Variants in MAPK15 observed in about 807,000 individuals in gnomAD.
The protein encoded by MAPK15 is ERK-7.
In MAPK15, 61 loss-of-function variants were observed where a neutral mutation model predicts 60.8. The observed-to-expected ratio is 1.00, with a 90% CI of 0.82 to 1.24. The LOEUF (loss-of-function observed/expected upper bound fraction) is 1.24. Ranked by LOEUF, MAPK15 falls within the 50% of genes most tolerant of loss-of-function variation. The pLI is 0.00. For missense variants in MAPK15, 808 were observed against 741.1 expected, an observed-to-expected ratio of 1.09 and a Z score of -1.05; for synonymous variants, 356 against 319.9, an observed-to-expected ratio of 1.11 and a Z score of -1.21.
At chr8:143,717,987 C>G in intron 2 of MAPK15, 60 bp from the exon 3 acceptor site, 1 of 1,611,132 alleles carries the variant, frequency 6.2e-7, no homozygotes, top group Non-Finnish European at 8.5e-7. Flanking sequence ...TGGGTCCTCT[C>G]AGGACATGGG....
At chr8:143,718,949 G>GGCCCCACCCA (rs1817925976) in intron 5 of MAPK15, 44 bp downstream of exon 5, 1 of 1,597,348 alleles carries the variant, frequency 6.3e-7, no homozygotes, top group Non-Finnish European at 8.5e-7. Context: ...CCCGGCTCCC[G>GGCCCCACCCA]GCCCCACCCA....
intron 2 of MAPK15, 111 bp downstream of exon 2, chr8:143,717,903 C>T (rs1817874678): frequency 6.7e-7 from 1 of 1,493,182 alleles, no homozygotes; most frequent in African/African-American, 1.4e-5. Flanking sequence ...AGCAGATGTT[C>T]TGGCCTGTCT....
Position 143,722,131 on chromosome 8 carries a change from T to C in MAPK15, c.1515T>C (p.Ser505=). ...ARPGRRMFST[S]ALQGAQGGAR... is the part of the protein sequence containing the mutation. Reference sequence around the variant, plus strand: ...CCGGCCGGAGGATGTTCAGCACCTCTGCCTTGCAGGGTGCCCAGGGGGGTG... The same window carrying C: ...CCGGCCGGAGGATGTTCAGCACCTCCGCCTTGCAGGGTGCCCAGGGGGGTG... Residue 505 remains serine, a synonymous_variant, in exon 14 of 14, where the codon TCT becomes TCC. Transcript: ENST00000338033. 4 of 1,612,466 alleles carry C rather than the reference T, an allele frequency of 2.5e-6. No homozygotes were observed. The highest frequency in any genetic ancestry group is 3.4e-6 in the Non-Finnish European group (4 of 1,179,780).
chr8:143,722,015 G>T, intron 13 of MAPK15, 60 bp from the exon 14 acceptor site: 1 of 1,560,160 alleles, frequency 6.4e-7, no homozygotes. Flanking sequence ...GGACCTCAAG[G>T]CCTCCCCTCC....
rs1376525602 is a variant in MAPK15 at position 143,720,322 on chromosome 8, G to A, written c.779+35G>A. ...GGCACTTCGGTGAGGGTGACAGGGTGGCCTATCTCAAGGGAGCAGGGCCAC... is the reference window on the plus strand; with the variant it reads ...GGCACTTCGGTGAGGGTGACAGGGTAGCCTATCTCAAGGGAGCAGGGCCAC... On this transcript the variant is annotated intron_variant, in intron 8 of 13. Transcript: ENST00000338033. The surrounding 1 kb of genome is among the most constrained non-coding windows in gnomAD (Gnocchi z 4.6). 5.8e-6 allele frequency: 9 copies of A among 1,548,978 alleles called. No homozygotes were observed. In the East Asian group the frequency reaches 1.4e-4, roughly 24 times the overall value.
Position 143,720,850 on chromosome 8 carries a change from G to A in MAPK15, c.917+10G>A. On this transcript the variant is annotated intron_variant, in intron 9 of 13. Transcript: ENST00000338033. The surrounding 1 kb of genome is among the most constrained non-coding windows in gnomAD (Gnocchi z 4.6). ...ACCCCTACGTGCAGAGGTGGGGGTG[G>A]GAGAGAGTCCCCCAAGTGCGGGGGG... The A allele has an allele frequency of 6.2e-7, 1 of 1,610,088 alleles. No homozygotes were observed. The highest frequency in any genetic ancestry group is 1.1e-5 in the South Asian group (1 of 91,008).
chr8:143,719,190 C>T (rs1461188037), intron 6 of MAPK15, 34 bp downstream of exon 6: 3 of 1,505,078 alleles, frequency 2.0e-6, no homozygotes, highest in Non-Finnish European at 1.8e-6. Context: ...CCCCCTCCAC[C>T]TCCCTGCTGC....
chr8:143,721,541 C>T lies in MAPK15; in HGVS notation c.1205-8C>T, dbSNP rs1818066562. ...ACTGACCCCGGGGTTGACCCACTGA[C>T]CCCACAGAGTCCCCCCGTGCAGCCA... is the stretch of plus-strand genomic sequence containing the variant. On this transcript the variant is annotated splice_polypyrimidine_tract_variant and splice_region_variant and intron_variant, in intron 11 of 13. Transcript: ENST00000338033. 1 of 1,613,738 alleles carries T rather than the reference C, an allele frequency of 6.2e-7. No individual in the cohort carries two copies. Among genetic ancestry groups the T allele is most frequent in the South Asian group, 1.1e-5 (1 of 91,050 alleles).
In MAPK15 at chr8:143,716,459, T is replaced by A; in HGVS notation, c.66+16T>A. 1 of 1,589,056 alleles carries A rather than the reference T, an allele frequency of 6.3e-7. No homozygotes were observed. Among genetic ancestry groups the A allele is most frequent in the Non-Finnish European group, 8.5e-7 (1 of 1,170,236 alleles). ...CGGGCAGGGGGTGAGTGCCTGGGGGTGCGTCCGCGCGCCGAGGGGCGCGGC... is the reference window on the plus strand; with the variant it reads ...CGGGCAGGGGGTGAGTGCCTGGGGGAGCGTCCGCGCGCCGAGGGGCGCGGC... On this transcript the variant is annotated intron_variant, in intron 1 of 13. Coordinates refer to ENST00000338033, the MANE Select transcript of MAPK15 (RefSeq NM_139021.3).
Position 143,718,255 on chromosome 8 carries a change from T to C in MAPK15, c.239T>C (p.Ile80Thr), listed in dbSNP as rs1554618804. The stretch of plus-strand genomic sequence containing the variant: ...AACATCATCAGCCTCCTTGACGTGA[T>C]CCGGGCAGAGAACGACAGGGACATT... ...HPNIISLLDV[I>T]RAENDRDIYL... The change falls in exon 4 of 14, where the codon ATC becomes ACC. Residue 80 changes from isoleucine to threonine, a missense_variant. Physicochemically the swap from Ile to Thr is moderately conservative, Grantham distance 89. Coordinates refer to ENST00000338033, the MANE Select transcript of MAPK15 (RefSeq NM_139021.3). 1 of 1,614,132 alleles carries C rather than the reference T, an allele frequency of 6.2e-7. No homozygotes were observed. The highest frequency in any genetic ancestry group is 8.5e-7 in the Non-Finnish European group (1 of 1,180,014).
At chr8:143,719,633 C>A in intron 7 of MAPK15, 151 bp downstream of exon 7, 1 of 1,134,348 alleles carries the variant, frequency 8.8e-7, no homozygotes, top group Non-Finnish European at 1.2e-6. Flanking sequence ...CCCAGGAAGA[C>A]CGACTGGTGA....
intron 6 of MAPK15, 83 bp from the exon 7 acceptor site, chr8:143,719,260 G>T (rs551839622): frequency 6.5e-7 from 1 of 1,529,244 alleles, no homozygotes; most frequent in African/African-American, 1.4e-5. Context: ...TGGTCCACAA[G>T]TGTTCCCCCA....
At position 143,720,388 on chromosome 8, in the gene MAPK15, A is replaced by G. The variant is rs1818000016; in HGVS notation, c.779+101A>G. ...CTGGGGCCAGTTTGTACCAGTTCAG[A>G]TTCTGCCTGTTTTCAAGATGGCAGT... On this transcript the variant is annotated intron_variant, in intron 8 of 13. Transcript: ENST00000338033. The surrounding 1 kb of genome is among the most constrained non-coding windows in gnomAD (Gnocchi z 4.6). 6.9e-7 allele frequency: 1 copy of G among 1,452,664 alleles called. No individual in the cohort carries two copies. The highest frequency in any genetic ancestry group is 1.4e-5 in the African/African-American group (1 of 69,804). The allele number at this position is 1,452,664 out of a possible 1,614,324, so 90.0% of individuals were successfully genotyped here. A position where few individuals can be genotyped will look rare whatever the true frequency, so the allele number is the denominator to read the frequency against.
chr8:143,721,713 C>T (rs782588359), intron 12 of MAPK15, 39 bp from the exon 13 acceptor site: 1 of 1,613,192 alleles, frequency 6.2e-7, no homozygotes, highest in Non-Finnish European at 8.5e-7. Context: ...GACCCCTCCT[C>T]TGCACCTTTC....
intron 7 of MAPK15, 94 bp downstream of exon 7, chr8:143,719,576 G>A: frequency 2.0e-6 from 3 of 1,465,958 alleles, no homozygotes; most frequent in South Asian, 2.7e-5. Context: ...GGACTGTGCT[G>A]AGAGGAGGGA....
chr8:143,717,946 G>A, intron 2 of MAPK15, 101 bp from the exon 3 acceptor site: 1 of 1,556,954 alleles, frequency 6.4e-7, no homozygotes, highest in Non-Finnish European at 8.8e-7. Context: ...GCCTGGTCTG[G>A]TGGGTATTGG....
chr8:143,717,054 G>C (rs376795655), intron 1 of MAPK15, among the ~76,000 whole-genome samples: 5 of 152,286 alleles, frequency 3.3e-5, no homozygotes, highest in African/African-American at 1.2e-4. Context: ...AACTGGATAG[G>C]AGATGGAGAG....
At position 143,719,338 on chromosome 8, in the gene MAPK15, C is replaced by T. The variant is rs373025948; in HGVS notation, c.582-5C>T. On this transcript the variant is annotated splice_region_variant and splice_polypyrimidine_tract_variant and intron_variant, in intron 6 of 13. Transcript: ENST00000338033. The stretch of plus-strand genomic sequence containing the variant: ...TCTCCATGCCTACACCGCTTCCTGC[C>T]CCAGATACACCCTTGGGGTGGACAT... 2 of 1,596,798 alleles carry T rather than the reference C, an allele frequency of 1.3e-6. No homozygotes were observed.
In MAPK15 at chr8:143,719,415, C is replaced by T. The variant is rs782627103; in HGVS notation, c.654C>T (p.Phe218=). The T allele has an allele frequency of 1.9e-6, 3 of 1,611,028 alleles. No individual in the cohort carries two copies. The African/African-American group carries it at 4.0e-5, about 22-fold the overall frequency. Reference sequence around the variant, plus strand: ...AGATGCTGCGGGGGAGACCCCTGTTCCCCGGCACGTCCACCCTCCACCAGC... The same window carrying T: ...AGATGCTGCGGGGGAGACCCCTGTTTCCCGGCACGTCCACCCTCCACCAGC... ...LGEMLRGRPL[F]PGTSTLHQLE... Residue 218 remains phenylalanine, a synonymous_variant, in exon 7 of 14, where the codon TTC becomes TTT. Coordinates refer to ENST00000338033, the MANE Select transcript of MAPK15 (RefSeq NM_139021.3).
Sources: allele counts gnomAD v4.1 joint callset (sites outside exome capture counted in the v4.1 genomes callset), GRCh38; gene constraint gnomAD v4.1.1; non-coding constraint Gnocchi (gnomAD v3.1); transcripts MANE v1.5; gene names NCBI Gene and HGNC (gene_info 2026-07-23, HGNC 2026-07-21).